Variants in COL11A1 observed in about 807,000 individuals in gnomAD.
COL11A1 encodes collagen alpha-1(XI) chain.
In COL11A1, 74 loss-of-function variants were observed where a neutral mutation model predicts 265.2. That is an observed-to-expected ratio of 0.28 (90% CI 0.23 to 0.34). The LOEUF is 0.34. Among genes scored for constraint, COL11A1 ranks in the 10% least tolerant of loss-of-function variants. The pLI is 1.00. For synonymous variants in COL11A1, 816 were observed against 727.6 expected, an observed-to-expected ratio of 1.12 and a Z score of -1.96; for missense variants, 2,165 against 2,263.6, an observed-to-expected ratio of 0.96 and a Z score of 0.88.
intron 46 of COL11A1, among the ~76,000 whole-genome samples, chr1:102,927,249 C>G (rs530741316): frequency 7.2e-5 from 11 of 152,190 alleles, no homozygotes; most frequent in African/African-American, 2.6e-4. Context: ...ATTTCTAATA[C>G]AAATAATATA....
At position 103,059,442 on chromosome 1, in the gene COL11A1, C is replaced by G. The variant is rs542646308; in HGVS notation, c.651+15176G>C. On this transcript the variant is annotated intron_variant, in intron 4 of 66. Transcript: ENST00000370096. ...AAAAACAAAACATAGTTTCTTTTAC[C>G]CAGTGCATCATGTTCACCTTTCAAC... Among the ~76,000 whole-genome samples the G allele has an allele frequency of 6.5e-4, 99 of 152,122 alleles. 1 individual carries two copies. The highest frequency in any genetic ancestry group is 2.4e-3 in the African/African-American group (98 of 41,500).
Position 102,915,660 on chromosome 1 carries a change from G to T in COL11A1, c.3787C>A (p.Pro1263Thr), listed in dbSNP as rs930762401. The change falls in exon 50 of 67, where the codon CCA becomes ACA. Residue 1263 changes from proline to threonine, a missense_variant. Physicochemically the swap from Pro to Thr is conservative, Grantham distance 38 (BLOSUM62 -1). Transcript: ENST00000370096. ...EKGEPGEAGN[P>T]GPPGEAGVGG... Reference sequence around the variant, plus strand: ...ACACCTGCTTCCCCAGGAGGCCCTGGGTTCCCTGCTTCTCCAGGTTCACCC... The same window carrying T: ...ACACCTGCTTCCCCAGGAGGCCCTGTGTTCCCTGCTTCTCCAGGTTCACCC... 2.5e-6 allele frequency: 4 copies of T among 1,613,038 alleles called. No individual in the cohort carries two copies. The highest frequency in any genetic ancestry group is 3.4e-6 in the Non-Finnish European group (4 of 1,179,150).
chr1:102,920,070 GT>G (rs1241515837), intron 49 of COL11A1, among the ~76,000 whole-genome samples: 4 of 152,040 alleles, frequency 2.6e-5, no homozygotes, highest in Non-Finnish European at 5.9e-5. Context: ...CACCGTAATT[GT>G]GAGGTTCCTG....
At chr1:102,960,061 C>T (rs1373493090) in intron 41 of COL11A1, among the ~76,000 whole-genome samples, 1 of 152,056 alleles carries the variant, frequency 6.6e-6, no homozygotes, top group Non-Finnish European at 1.5e-5. Flanking sequence ...GCTGCTAATG[C>T]TACTGTCACT....
intron 54 of COL11A1, among the ~76,000 whole-genome samples, chr1:102,906,182 T>G (rs994324874): frequency 6.6e-6 from 1 of 152,158 alleles, no homozygotes. Context: ...ACTTCAGTAT[T>G]GTAAATTAGT....
chr1:102,883,094 A>G (rs532325392), intron 64 of COL11A1, 105 bp downstream of exon 64: 175 of 793,422 alleles, frequency 2.2e-4, no homozygotes, highest in Middle Eastern at 2.2e-4. Flanking sequence ...TTGTAAGAAA[A>G]GCAGATAAAT....
At chr1:102,934,056 C>T (rs56283241) in intron 46 of COL11A1, among the ~76,000 whole-genome samples, 9,297 of 152,250 alleles carry the variant, frequency 0.061, 336 homozygotes, top group South Asian at 0.092. Flanking sequence ...TATTCTGCGT[C>T]GCTCACGCTG....
At chr1:103,044,521 C>T (rs537395902) in intron 4 of COL11A1, among the ~76,000 whole-genome samples, 14 of 152,052 alleles carry the variant, frequency 9.2e-5, no homozygotes, top group African/African-American at 2.2e-4. Context: ...AAAAACTGTA[C>T]GTTTATCTTA....
intron 63 of COL11A1, among the ~76,000 whole-genome samples, chr1:102,886,152 A>C (rs535880296): frequency 6.6e-6 from 1 of 152,296 alleles, no homozygotes; most frequent in South Asian, 2.1e-4. Flanking sequence ...TAATTGTAAG[A>C]GTTTAGTCAA....
chr1:102,979,334 G>T, intron 32 of COL11A1, 48 bp downstream of exon 32: 2 of 1,429,938 alleles, frequency 1.4e-6, no homozygotes, highest in Non-Finnish European at 2.0e-6. Flanking sequence ...ACTATGTCCA[G>T]CTAAGAACAC....
At chr1:103,102,397 A>C (rs985256644) in intron 1 of COL11A1, among the ~76,000 whole-genome samples, 3 of 152,038 alleles carry the variant, frequency 2.0e-5, no homozygotes, top group African/African-American at 7.2e-5. Flanking sequence ...ACTTTTTATA[A>C]CATCAGCGTT....
chr1:102,926,772 A>G (rs1656642348), intron 46 of COL11A1, among the ~76,000 whole-genome samples: 2 of 152,198 alleles, frequency 1.3e-5, no homozygotes, highest in Non-Finnish European at 2.9e-5. Context: ...GATTCAGAGT[A>G]GTCAAATAAA....
At chr1:102,916,228 T>C (rs1013751354) in intron 49 of COL11A1, among the ~76,000 whole-genome samples, 4 of 152,198 alleles carry the variant, frequency 2.6e-5, no homozygotes, top group Non-Finnish European at 4.4e-5. Context: ...TTAAAATTGC[T>C]CCATTTGAGT....
rs1212241628 is a variant in COL11A1, at chr1:102,914,763, C to A, written c.3865G>T (p.Ala1289Ser). 1 of 1,613,272 alleles carries A rather than the reference C, an allele frequency of 6.2e-7. No individual in the cohort carries two copies. The highest frequency in any genetic ancestry group is 2.2e-5 in the East Asian group (1 of 44,824). ...CCCTTGGCACCTGGAGGTCCAGCAG[C>A]TCCAGGTGGACCAGCTTCCCCTTTC... ...GEKGEAGPPGAAGPPGAKGPP... is the reference protein window; with the variant it reads ...GEKGEAGPPGSAGPPGAKGPP... Residue 1289 changes from alanine (A) to serine (S), a missense_variant, in exon 51 of 67, where the codon GCT becomes TCT. Ala to Ser is a moderately conservative substitution (Grantham distance 99, BLOSUM62 1). Transcript: ENST00000370096.
intron 41 of COL11A1, among the ~76,000 whole-genome samples, chr1:102,949,384 G>C (rs1659644118): frequency 6.6e-6 from 1 of 151,678 alleles, no homozygotes; most frequent in Non-Finnish European, 1.5e-5. Flanking sequence ...TATACAAAAA[G>C]AGGTGCGATT....
chr1:102,893,043 A>T (rs535148373), intron 57 of COL11A1, among the ~76,000 whole-genome samples: 16 of 152,298 alleles, frequency 1.1e-4, no homozygotes, highest in African/African-American at 3.8e-4. Flanking sequence ...GTATATAGTT[A>T]TCTCCCCATT....
chr1:102,942,492 T>G (rs550052102), intron 42 of COL11A1, among the ~76,000 whole-genome samples: 88 of 152,286 alleles, frequency 5.8e-4, no homozygotes, highest in African/African-American at 2.1e-3. Context: ...GCCCACAATC[T>G]GCACAACTAC....
At chr1:102,946,774 C>T (rs1659333528) in intron 42 of COL11A1, 75 bp downstream of exon 42, 4 of 1,183,148 alleles carry the variant, frequency 3.4e-6, no homozygotes, top group South Asian at 1.3e-5. Context: ...GTATGAAAAG[C>T]TAATATTATT....
intron 4 of COL11A1, among the ~76,000 whole-genome samples, chr1:103,032,967 C>G (rs1373445400): frequency 6.6e-6 from 1 of 152,102 alleles, no homozygotes; most frequent in Non-Finnish European, 1.5e-5. Context: ...ACCATCACTA[C>G]TAATTGCAGA....
Sources: gnomAD v4.1 joint callset for allele counts (sites outside exome capture counted in the v4.1 genomes callset) on GRCh38, gnomAD v4.1.1 for gene constraint, MANE v1.5 for transcripts, NCBI Gene and HGNC (gene_info 2026-07-23, HGNC 2026-07-21) for gene names.